Variants in ITGB2 observed in about 807,000 individuals in gnomAD.
ITGB2 encodes integrin beta-2.
In ITGB2, 56 loss-of-function variants were observed where a neutral mutation model predicts 86.8. The observed-to-expected ratio is 0.65, with a 90% CI of 0.52 to 0.81. ITGB2 has a LOEUF of 0.81. Among genes scored for constraint, ITGB2 ranks in the 30% least tolerant of loss-of-function variants. ITGB2 has a pLI of 0.00. For missense variants in ITGB2, 948 were observed against 1,061.2 expected, an observed-to-expected ratio of 0.89 and a Z score of 1.48; for synonymous variants, 457 against 450.4, an observed-to-expected ratio of 1.01 and a Z score of -0.19.
At chr21:44,928,329 A>G (rs1254383123) in intron 1 of ITGB2, 1 of 152,194 alleles carries the variant, frequency 6.6e-6, no homozygotes, top group Non-Finnish European at 1.5e-5. Context: ...AACGAGGAAA[A>G]CAGTTAAGCA....
At chr21:44,920,435 G>T (rs879650885) in intron 1 of ITGB2, among the ~76,000 whole-genome samples, 5 of 152,176 alleles carry the variant, frequency 3.3e-5, no homozygotes, top group Non-Finnish European at 7.4e-5. Context: ...ACACAGGCAG[G>T]CGCAGCAGGT....
In ITGB2 at chr21:44,903,506, G is replaced by T. The variant is rs148031841; in HGVS notation, c.358C>A (p.Arg120=). 3 of 1,613,960 alleles carry T rather than the reference G, an allele frequency of 1.9e-6. No homozygotes were observed. ...TCGATGGGGTAGCCCTTGGCCCGCC[G>T]GAAGGTCACGTTGAACGCTGCTGCC... ...GQAAAFNVTF[R]RAKGYPIDLY... The change falls in exon 5 of 16, where the codon CGG becomes AGG. Residue 120 remains arginine, a synonymous_variant. Transcript: ENST00000652462.
intron 11 of ITGB2, 98 bp from the exon 12 acceptor site, chr21:44,890,320 C>T (rs1010181607): frequency 5.3e-5 from 79 of 1,495,002 alleles, no homozygotes; most frequent in Non-Finnish European, 6.8e-5. Context: ...TGGTGGAGAA[C>T]ACCCCTATGG....
intron 2 of ITGB2, 40 bp from the exon 3 acceptor site, chr21:44,910,412 C>A (rs370658074): frequency 3.1e-6 from 5 of 1,613,440 alleles, no homozygotes; most frequent in Non-Finnish European, 4.2e-6. Flanking sequence ...TGCTCTGGGC[C>A]GCCCTGCCCA....
At chr21:44,904,299 GAC>G (rs557327809) in intron 4 of ITGB2, among the ~76,000 whole-genome samples, 1 of 151,680 alleles carries the variant, frequency 6.6e-6, no homozygotes, top group Non-Finnish European at 1.5e-5. Flanking sequence ...CCTCCTCACA[GAC>G]ACACACACAC....
chr21:44,916,422 T>C (rs774601075), intron 1 of ITGB2, among the ~76,000 whole-genome samples: 7 of 152,180 alleles, frequency 4.6e-5, no homozygotes, highest in African/African-American at 9.7e-5. Context: ...AGACTGTCTG[T>C]TCCTGGGTGG....
At chr21:44,892,189 G>A (rs142872763) in intron 10 of ITGB2, among the ~76,000 whole-genome samples, 193 bp from the exon 11 acceptor site, 187 of 152,318 alleles carry the variant, frequency 1.2e-3, no homozygotes, top group African/African-American at 4.2e-3. Context: ...TGCTCTGCCC[G>A]CACTCCCGCA....
chr21:44,919,181 G>C (rs2084259923), intron 1 of ITGB2, among the ~76,000 whole-genome samples: 1 of 152,176 alleles, frequency 6.6e-6, no homozygotes, highest in African/African-American at 2.4e-5. Context: ...AGGGGTCCTG[G>C]CCATGTGGGA....
At chr21:44,911,108 G>A (rs1227897367) in intron 1 of ITGB2, 12 of 470,050 alleles carry the variant, frequency 2.6e-5, no homozygotes, top group East Asian at 1.6e-4. Flanking sequence ...GCACGTGTAC[G>A]TGCATACAGA....
chr21:44,899,258 G>A (rs913305184), intron 7 of ITGB2, 96 bp from the exon 8 acceptor site: 45 of 936,926 alleles, frequency 4.8e-5, no homozygotes, highest in Non-Finnish European at 6.8e-5. Context: ...AGCCCTGCCC[G>A]TGCTTCGAAC....
chr21:44,899,629 A>G (rs2083920092), intron 7 of ITGB2, among the ~76,000 whole-genome samples: 1 of 152,228 alleles, frequency 6.6e-6, no homozygotes, highest in Admixed American at 6.5e-5. Flanking sequence ...CAGAGCCTAC[A>G]ACGTCAGGCT....
chr21:44,886,547 G>A (rs2083701125), intron 15 of ITGB2, 117 bp from the exon 16 acceptor site: 4 of 1,407,560 alleles, frequency 2.8e-6, no homozygotes, highest in Non-Finnish European at 4.0e-6. Flanking sequence ...CTAGACGTGG[G>A]GCAGCCCCCC....
upstream of ITGB2, among the ~76,000 whole-genome samples, chr21:44,921,664 G>A (rs2084307008): frequency 6.6e-6 from 1 of 152,130 alleles, no homozygotes; most frequent in Non-Finnish European, 1.5e-5. Flanking sequence ...CATCTTCAGA[G>A]CAAGGACTCA....
Position 44,910,505 on chromosome 21 carries a change from G to A in ITGB2, c.59-133C>T, listed in dbSNP as rs563007802. ...GCCTCCAGGAGGAGACCCCGCATTC[G>A]CCACCACCCCCAGGTGCAAAGAGGG... is the stretch of plus-strand genomic sequence containing the variant. On this transcript the variant is annotated intron_variant, in intron 2 of 15. Transcript: ENST00000652462. 2.7e-4 allele frequency: 410 copies of A among 1,537,114 alleles called. 1 individual carries two copies. In the African/African-American group the frequency reaches 4.2e-3, roughly 16 times the overall value.
chr21:44,910,957 C>A, intron 1 of ITGB2, 172 bp from the exon 2 acceptor site: 1 of 654,076 alleles, frequency 1.5e-6, no homozygotes, highest in Non-Finnish European at 2.7e-6. Flanking sequence ...TGCCAACAGC[C>A]AGGGAGGGAG....
At chr21:44,925,137 C>CTTT (rs71334038), upstream of ITGB2, among the ~76,000 whole-genome samples, 2 of 144,960 alleles carry the variant, frequency 1.4e-5, no homozygotes, top group African/African-American at 5.0e-5. Context: ...TAGTTTATAT[C>CTTT]TTTTTTTTTT....
At chr21:44,904,659 AAC>A (rs1010598365) in intron 4 of ITGB2, among the ~76,000 whole-genome samples, 46 of 150,960 alleles carry the variant, frequency 3.0e-4, no homozygotes, top group African/African-American at 8.8e-4. Context: ...ACACACACCA[AAC>A]ACACACACAT....
In ITGB2 at chr21:44,895,065, T is replaced by C; in HGVS notation, c.994-5A>G. 1 of 1,611,082 alleles carries C rather than the reference T, an allele frequency of 6.2e-7. No individual in the cohort carries two copies. The highest frequency in any genetic ancestry group is 1.1e-5 in the South Asian group (1 of 91,040). On this transcript the variant is annotated splice_polypyrimidine_tract_variant and splice_region_variant and intron_variant, in intron 8 of 15. Transcript: ENST00000652462. ...GGGGATGATCTCGGTGAGTTTCTGT[T>C]GGGCAAGAAGACCAGACATGGCACG...
chr21:44,911,132 G>A (rs1601323785), intron 1 of ITGB2: 1 of 429,198 alleles, frequency 2.3e-6, no homozygotes, highest in East Asian at 4.5e-5. Context: ...GTGCCTGACT[G>A]CATGTACACA....
Sources: gnomAD v4.1 joint callset for allele counts (sites outside exome capture counted in the v4.1 genomes callset) on GRCh38, gnomAD v4.1.1 for gene constraint, MANE v1.5 for transcripts, NCBI Gene and HGNC (gene_info 2026-07-23, HGNC 2026-07-21) for gene names.